WDFY2: variants seen among roughly 807,000 people sequenced by gnomAD.
WDFY2 encodes the protein WD repeat and FYVE domain-containing protein 2.
Under a neutral mutation model 56.4 loss-of-function variants are expected in WDFY2, and 36 were observed. The ratio of observed to expected loss-of-function variants is 0.64; its 90% CI spans 0.49 to 0.84. The LOEUF (loss-of-function observed/expected upper bound fraction) is 0.84, where lower values mean the gene tolerates loss of function less well. Among genes scored for constraint, WDFY2 ranks in the 40% least tolerant of loss-of-function variants. The pLI, the probability that WDFY2 is intolerant of heterozygous loss-of-function variation, is 0.00. For missense variants in WDFY2, 444 were observed against 512.2 expected, an observed-to-expected ratio of 0.87 and a Z score of 1.29; for synonymous variants, 176 against 183.7, an observed-to-expected ratio of 0.96 and a Z score of 0.34.
intron 5 of WDFY2, among the ~76,000 whole-genome samples, chr13:51,723,854 T>C (rs1952543857): frequency 6.6e-6 from 1 of 152,214 alleles, no homozygotes; most frequent in African/African-American, 2.4e-5. Context: ...GGTTGCTAAA[T>C]GGTGATTTTC....
At chr13:51,735,263 G>C (rs1458278947) in intron 6 of WDFY2, among the ~76,000 whole-genome samples, 2 of 152,182 alleles carry the variant, frequency 1.3e-5, no homozygotes, top group Non-Finnish European at 2.9e-5. Flanking sequence ...CAGATCAGTT[G>C]AGTAAACATC....
intron 1 of WDFY2, among the ~76,000 whole-genome samples, chr13:51,639,396 G>C (rs1160830471): frequency 6.6e-6 from 1 of 152,186 alleles, no homozygotes; most frequent in Non-Finnish European, 1.5e-5. Flanking sequence ...AAGATAACAT[G>C]AGACTTTTTT....
chr13:51,694,683 T>A (rs1951823698), intron 3 of WDFY2, among the ~76,000 whole-genome samples: 1 of 152,106 alleles, frequency 6.6e-6, no homozygotes, highest in Admixed American at 6.6e-5. Flanking sequence ...TCTTGAGGAG[T>A]ATCTTTGTGG....
At chr13:51,639,250 A>G (rs564807401) in intron 1 of WDFY2, among the ~76,000 whole-genome samples, 1 of 152,328 alleles carries the variant, frequency 6.6e-6, no homozygotes, top group African/African-American at 2.4e-5. Context: ...GAAAGGCTCA[A>G]TGTGGAAGAA....
At chr13:51,612,172 A>G (rs1056574302) in intron 1 of WDFY2, among the ~76,000 whole-genome samples, 6 of 152,166 alleles carry the variant, frequency 3.9e-5, no homozygotes, top group African/African-American at 1.4e-4. Flanking sequence ...TAGATGGTGA[A>G]TTCACTTGTG....
At chr13:51,739,244 T>C in intron 7 of WDFY2, 69 bp downstream of exon 7, 1 of 1,468,380 alleles carries the variant, frequency 6.8e-7, no homozygotes, top group East Asian at 2.5e-5. Flanking sequence ...AACAAAGGAG[T>C]GCAGCCCAGT....
rs370484617 is a variant in WDFY2 at position 51,660,621 on chromosome 13, G to A, written c.163G>A (p.Asp55Asn). 2 of 1,613,876 alleles carry A rather than the reference G, an allele frequency of 1.2e-6. No homozygotes were observed. The highest frequency in any genetic ancestry group is 1.7e-5 in the Admixed American group (1 of 60,000). ...GACAGTTCGTGTTTGGTTAAAGAGA[G>A]ACAGTGGACAGTATTGGCCAAGCGT... The part of the protein sequence containing the change: ...DRTVRVWLKR[D>N]SGQYWPSVYH... Residue 55 changes from aspartate to asparagine, a missense_variant, in exon 2 of 12, where the codon GAC (aspartate) becomes AAC (asparagine). Asp to Asn is a conservative substitution (Grantham distance 23, BLOSUM62 1). Transcript: ENST00000298125.
At chr13:51,690,084 AT>A (rs1956125213) in intron 3 of WDFY2, among the ~76,000 whole-genome samples, 1 of 151,818 alleles carries the variant, frequency 6.6e-6, no homozygotes, top group African/African-American at 2.4e-5. Flanking sequence ...AAAAATACTT[AT>A]TTTTTATAGA....
chr13:51,702,545 G>A (rs1952006318), intron 3 of WDFY2, among the ~76,000 whole-genome samples: 1 of 152,120 alleles, frequency 6.6e-6, no homozygotes, highest in Admixed American at 6.5e-5. Context: ...TTATTGCTTT[G>A]TATATTCTCT....
Position 51,751,300 on chromosome 13 carries a change from T to G in WDFY2, c.726-10T>G, listed in dbSNP as rs750090150. 8 of 1,610,926 alleles carry G rather than the reference T, an allele frequency of 5.0e-6. No homozygotes were observed. The highest frequency in any genetic ancestry group is 6.8e-6 in the Non-Finnish European group (8 of 1,178,798). ...CCTAAACTGTCAATAACCCTTGGTTTCTTTCACAGCGACAGAGTCCAGGCC... is the reference window on the plus strand; with the variant it reads ...CCTAAACTGTCAATAACCCTTGGTTGCTTTCACAGCGACAGAGTCCAGGCC... On this transcript the variant is annotated splice_polypyrimidine_tract_variant and intron_variant, in intron 7 of 11. Transcript: ENST00000298125.
At chr13:51,665,668 G>A (rs1452093218) in intron 2 of WDFY2, among the ~76,000 whole-genome samples, 1 of 152,136 alleles carries the variant, frequency 6.6e-6, no homozygotes, top group East Asian at 1.9e-4. Context: ...GGCATGTATT[G>A]CCAACTTCTC....
At chr13:51,735,537 A>G (rs2138676595) in intron 6 of WDFY2, among the ~76,000 whole-genome samples, 1 of 152,344 alleles carries the variant, frequency 6.6e-6, no homozygotes, top group South Asian at 2.1e-4. Flanking sequence ...CATATCCCGT[A>G]AGAGAATGGC....
intron 1 of WDFY2, among the ~76,000 whole-genome samples, chr13:51,608,191 G>T (rs1954420347): frequency 6.6e-6 from 1 of 152,110 alleles, no homozygotes; most frequent in Admixed American, 6.5e-5. Flanking sequence ...GTAATAGTTT[G>T]TTACAGCAGC....
chr13:51,654,410 C>G (rs1039665196), intron 1 of WDFY2, among the ~76,000 whole-genome samples: 1 of 152,204 alleles, frequency 6.6e-6, no homozygotes, highest in African/African-American at 2.4e-5. Context: ...ACCCACTGTC[C>G]TGCACTCACT....
intron 3 of WDFY2, among the ~76,000 whole-genome samples, chr13:51,689,739 T>C (rs1391876913): frequency 1.3e-5 from 2 of 152,184 alleles, no homozygotes; most frequent in African/African-American, 4.8e-5. Context: ...CATTGTTTGG[T>C]AGCCAGTGAA....
intron 3 of WDFY2, among the ~76,000 whole-genome samples, chr13:51,679,199 G>A (rs1955937602): frequency 6.6e-6 from 1 of 152,140 alleles, no homozygotes; most frequent in East Asian, 1.9e-4. Flanking sequence ...ATTTAAAGGG[G>A]ATAATTGACT....
At chr13:51,672,190 T>G (rs1222311618) in intron 2 of WDFY2, among the ~76,000 whole-genome samples, 1 of 152,234 alleles carries the variant, frequency 6.6e-6, no homozygotes, top group Non-Finnish European at 1.5e-5. Flanking sequence ...GGTTTTAAAT[T>G]TAAGTCTTTG....
Position 51,761,939 on chromosome 13 carries a change from C to T in WDFY2, c.*2170C>T, listed in dbSNP as rs574024281. ...CCCTGGTCCAGACTACCCTTGCTTG[C>T]GTCAGTCAAAACTGTTGTAACTACT... On this transcript the variant is annotated 3_prime_UTR_variant, in exon 12 of 12. Coordinates refer to ENST00000298125, the MANE Select transcript of WDFY2 (RefSeq NM_052950.4). 1.3e-5 allele frequency: 2 copies of T among 152,372 alleles called. No homozygotes were observed. The highest frequency in any genetic ancestry group is 2.1e-4 in the South Asian group (1 of 4,826). The allele number at this position is 152,372 out of a possible 1,614,324, so 9.4% of individuals were successfully genotyped here.
intron 3 of WDFY2, among the ~76,000 whole-genome samples, chr13:51,677,212 A>T (rs532488323): frequency 1.6e-4 from 24 of 152,322 alleles, no homozygotes; most frequent in African/African-American, 5.8e-4. Context: ...GGGTTGAGAC[A>T]TCAAACCTTA....
Sources: gnomAD v4.1 joint callset for allele counts (sites outside exome capture counted in the v4.1 genomes callset) on GRCh38, gnomAD v4.1.1 for gene constraint, MANE v1.5 for transcripts, NCBI Gene and HGNC (gene_info 2026-07-23, HGNC 2026-07-21) for gene names.